The following IMMP2L variants were observed in gnomAD, a reference collection of about 807,000 sequenced individuals.
IMMP2L encodes the protein mitochondrial inner membrane protease subunit 2.
In IMMP2L, 18 loss-of-function variants were observed where a neutral mutation model predicts 19.3. That is an observed-to-expected ratio of 0.93 (90% CI 0.64 to 1.38). The LOEUF (loss-of-function observed/expected upper bound fraction) is 1.38. Ranked by LOEUF, IMMP2L falls within the 40% of genes most tolerant of loss-of-function variation. The pLI is 0.00. For synonymous variants in IMMP2L, 76 were observed against 73.0 expected (o/e 1.04, Z -0.21); for missense variants, 233 against 218.2 (o/e 1.07, Z -0.43).
In IMMP2L at chr7:111,235,141, T is replaced by C. The variant is rs898128881; in HGVS notation, c.239+252097A>G. ...TTCATCTAAACAAGTTTTTATTTCATCTTTATTTTTGAAAGATATTTTCAC... is the reference window on the plus strand; with the variant it reads ...TTCATCTAAACAAGTTTTTATTTCACCTTTATTTTTGAAAGATATTTTCAC... On this transcript the variant is annotated intron_variant, in intron 3 of 5. Coordinates refer to ENST00000405709, the MANE Select transcript of IMMP2L (RefSeq NM_032549.4). Among the ~76,000 whole-genome samples the C allele has an allele frequency of 2.6e-5, 4 of 152,256 alleles. No homozygotes were observed. In the South Asian group the frequency reaches 8.3e-4, roughly 31 times the overall value.
intron 5 of IMMP2L, among the ~76,000 whole-genome samples, chr7:110,831,444 T>C (rs1803960948): frequency 1.3e-5 from 2 of 152,134 alleles, no homozygotes; most frequent in African/African-American, 4.8e-5. Context: ...GATTACACAA[T>C]TTGGGAATGG....
chr7:111,200,220 AC>A (rs1387171165), intron 3 of IMMP2L, among the ~76,000 whole-genome samples: 4 of 152,088 alleles, frequency 2.6e-5, no homozygotes, highest in African/African-American at 9.7e-5. Flanking sequence ...AGGTGATATA[AC>A]ATATTTAGGT....
intron 3 of IMMP2L, among the ~76,000 whole-genome samples, chr7:111,127,840 A>G (rs972444297): frequency 2.6e-5 from 4 of 152,308 alleles, no homozygotes; most frequent in Admixed American, 2.6e-4. Flanking sequence ...AGAATTACAT[A>G]TTTTATAATT....
intron 3 of IMMP2L, among the ~76,000 whole-genome samples, chr7:111,026,276 C>G (rs1420879405): frequency 6.6e-6 from 1 of 152,098 alleles, no homozygotes; most frequent in African/African-American, 2.4e-5. Context: ...AATTCCTAAT[C>G]CAAGTAGTTA....
At chr7:110,762,971 C>T (rs991177869) in intron 5 of IMMP2L, among the ~76,000 whole-genome samples, 1 of 152,070 alleles carries the variant, frequency 6.6e-6, no homozygotes, top group Non-Finnish European at 1.5e-5. Context: ...TCCTGTAACA[C>T]TATATGTAAT....
chr7:110,755,371 A>G (rs186157004), intron 5 of IMMP2L, among the ~76,000 whole-genome samples: 1 of 152,242 alleles, frequency 6.6e-6, no homozygotes, highest in East Asian at 1.9e-4. Flanking sequence ...AGAAAAGTTA[A>G]CAGACTGGTT....
intron 4 of IMMP2L, among the ~76,000 whole-genome samples, chr7:110,932,751 C>T (rs1200159682): frequency 6.6e-6 from 1 of 152,162 alleles, no homozygotes; most frequent in African/African-American, 2.4e-5. Context: ...CTACATTTTC[C>T]TTGTACACAC....
intron 5 of IMMP2L, among the ~76,000 whole-genome samples, chr7:110,726,235 C>G (rs959945024): frequency 6.6e-6 from 1 of 152,202 alleles, no homozygotes; most frequent in African/African-American, 2.4e-5. Context: ...TCTTCAAACA[C>G]TGGGCTCCTT....
At chr7:111,279,289 C>A (rs1027250167) in intron 3 of IMMP2L, among the ~76,000 whole-genome samples, 3 of 152,040 alleles carry the variant, frequency 2.0e-5, no homozygotes, top group African/African-American at 4.8e-5. Context: ...GAATAGTGAA[C>A]CCCCAAAATG....
rs746534037 is a variant in IMMP2L, at chr7:110,883,777, A to G, written c.408+2816T>C. Among the ~76,000 whole-genome samples the G allele has an allele frequency of 5.7e-4, 86 of 152,062 alleles. 1 individual carries two copies. The highest frequency in any genetic ancestry group is 2.6e-4 in the Non-Finnish European group (18 of 67,968). ...TAAATAAATAATTTACTTTAGATTT[A>G]TTTTTAGATACTAGAATTTCACAAT... On this transcript the variant is annotated intron_variant, in intron 5 of 5. Coordinates refer to ENST00000405709, the MANE Select transcript of IMMP2L (RefSeq NM_032549.4).
At chr7:111,162,811 C>A (rs1309533573) in intron 3 of IMMP2L, among the ~76,000 whole-genome samples, 1 of 151,908 alleles carries the variant, frequency 6.6e-6, no homozygotes, top group Non-Finnish European at 1.5e-5. Context: ...CCTCTTCCCA[C>A]AAATGATTTT....
chr7:111,444,573 T>C (rs1414252045), intron 3 of IMMP2L, among the ~76,000 whole-genome samples: 1 of 152,186 alleles, frequency 6.6e-6, no homozygotes, highest in Non-Finnish European at 1.5e-5. Context: ...TTTTTTTAAA[T>C]TATTTTTTAC....
chr7:111,540,380 C>T (rs937470574), intron 1 of IMMP2L, among the ~76,000 whole-genome samples: 9 of 152,254 alleles, frequency 5.9e-5, no homozygotes, highest in Middle Eastern at 6.8e-3. Flanking sequence ...AATTGCAGAA[C>T]GGCACTTCAC....
chr7:111,427,497 AAAT>A (rs1360225717), intron 3 of IMMP2L, among the ~76,000 whole-genome samples: 1 of 151,844 alleles, frequency 6.6e-6, no homozygotes, highest in Admixed American at 6.6e-5. Flanking sequence ...TTGTTAGTAC[AAAT>A]AATAATGACT....
At chr7:111,235,194 T>C (rs1301104664) in intron 3 of IMMP2L, among the ~76,000 whole-genome samples, 1 of 152,116 alleles carries the variant, frequency 6.6e-6, no homozygotes, top group East Asian at 1.9e-4. Flanking sequence ...ATTGATGGCC[T>C]TGGACAGTGG....
At chr7:111,228,798 A>T (rs1389899061) in intron 3 of IMMP2L, among the ~76,000 whole-genome samples, 1 of 152,090 alleles carries the variant, frequency 6.6e-6, no homozygotes, top group Non-Finnish European at 1.5e-5. Flanking sequence ...TCTTGGAGTT[A>T]ACAAAGGGTC....
intron 3 of IMMP2L, among the ~76,000 whole-genome samples, chr7:111,117,776 T>A (rs964740670): frequency 6.6e-6 from 1 of 152,106 alleles, no homozygotes; most frequent in Non-Finnish European, 1.5e-5. Context: ...CAATTTGCTA[T>A]AGAAGAAAAG....
chr7:110,947,263 G>A (rs1817359617), intron 4 of IMMP2L, among the ~76,000 whole-genome samples: 1 of 151,982 alleles, frequency 6.6e-6, no homozygotes, highest in African/African-American at 2.4e-5. Context: ...TAACCTCCTT[G>A]ATTTCCTTCC....
intron 5 of IMMP2L, among the ~76,000 whole-genome samples, chr7:110,682,980 T>C (rs1486927362): frequency 2.0e-5 from 3 of 152,100 alleles, no homozygotes; most frequent in African/African-American, 7.2e-5. Flanking sequence ...ATGAGACTTA[T>C]GTACAAGTAG....
Sources: allele counts gnomAD v4.1 joint callset (sites outside exome capture counted in the v4.1 genomes callset), GRCh38; gene constraint gnomAD v4.1.1; transcripts MANE v1.5; gene names NCBI Gene and HGNC (gene_info 2026-07-23, HGNC 2026-07-21).